Variants in DNAJB1 observed in about 807,000 individuals in gnomAD.
DNAJB1 encodes the protein dnaJ homolog subfamily B member 1.
A neutral mutation model predicts 24.0 loss-of-function variants in DNAJB1; 14 were observed. The observed-to-expected ratio is 0.58, with a 90% confidence interval of 0.39 to 0.91. The LOEUF (loss-of-function observed/expected upper bound fraction) is 0.91, where lower values mean the gene tolerates loss of function less well. Ranked by LOEUF, DNAJB1 falls within the 40% of genes least tolerant of loss-of-function variation. DNAJB1 has a pLI of 0.00. For synonymous variants in DNAJB1, 262 were observed against 174.4 expected, an observed-to-expected ratio of 1.50 and a Z score of -3.96; for missense variants, 517 against 458.1, an observed-to-expected ratio of 1.13 and a Z score of -1.17.
Position 14,515,781 on chromosome 19 carries a change from G to C in DNAJB1, c.*159C>G, listed in dbSNP as rs1280995384. On this transcript the variant is annotated 3_prime_UTR_variant, in exon 3 of 3. Coordinates refer to ENST00000254322, the MANE Select transcript of DNAJB1 (RefSeq NM_006145.3). ...GAAAAACCACTGAAGTCTAGTGTGC[G>C]ACTTTGAAAGATTGTAATATATGCT... The C allele has an allele frequency of 2.9e-6, 2 of 693,898 alleles. No individual in the cohort carries two copies. Among genetic ancestry groups the C allele is most frequent in the African/African-American group, 3.7e-5 (2 of 54,244 alleles). The allele number at this position is 693,898 out of a possible 1,614,324, so 43.0% of individuals were successfully genotyped here. A position where few individuals can be genotyped will look rare whatever the true frequency, so the allele number is the denominator to read the frequency against.
chr19:14,533,645 C>T (rs192583341), upstream of DNAJB1, among the ~76,000 whole-genome samples: 14 of 152,188 alleles, frequency 9.2e-5, no homozygotes, highest in African/African-American at 3.4e-4. Context: ...AGTTGGGATC[C>T]CAGCAGTAGT....
chr19:14,558,431 C>T (rs1228032698), intron 1 of DNAJB1, among the ~76,000 whole-genome samples: 3 of 152,222 alleles, frequency 2.0e-5, no homozygotes, highest in East Asian at 1.9e-4. Flanking sequence ...GTGCGCTTCA[C>T]GCCGCACCGT....
chr19:14,535,574 ATATATATATATATATGTATGTATATAT>A (rs2072863975), intron 1 of DNAJB1, among the ~76,000 whole-genome samples: 2 of 36,430 alleles, frequency 5.5e-5, no homozygotes, highest in East Asian at 6.7e-4. Flanking sequence ...ATATATATAT[ATATATATATATATATGTATGTATATAT>A]AAATTAGCCA....
intron 1 of DNAJB1, among the ~76,000 whole-genome samples, chr19:14,548,504 T>C (rs2073379473): frequency 6.6e-6 from 1 of 152,206 alleles, no homozygotes; most frequent in African/African-American, 2.4e-5. Context: ...AGCCAGGGGT[T>C]GGCAAACTTA....
chr19:14,516,398 G>T (rs2072262475), intron 2 of DNAJB1, 68 bp downstream of exon 2: 2 of 1,523,160 alleles, frequency 1.3e-6, no homozygotes, highest in Non-Finnish European at 1.8e-6. Context: ...CATTGGTTCA[G>T]CAAATACTAA....
chr19:14,543,415 ATATATTTTTTTTTTTTTTTTTTTTTT>A (rs2073186252), intron 1 of DNAJB1, among the ~76,000 whole-genome samples: 3 of 9,488 alleles, frequency 3.2e-4, no homozygotes, highest in Admixed American at 2.9e-3. Flanking sequence ...ATATATATAT[ATATATTTTTTTTTTTTTTTTTTTTTT>A]TTTTTTTTTT....
At chr19:14,542,347 G>GTTTTTTTGTTTTTTTTTT in intron 1 of DNAJB1, among the ~76,000 whole-genome samples, 1 of 43,300 alleles carries the variant, frequency 2.3e-5, no homozygotes, top group African/African-American at 8.1e-5. Context: ...ATGCCATAGT[G>GTTTTTTTGTTTTTTTTTT]TTTTTTTTTT....
At position 14,542,347 on chromosome 19, in the gene DNAJB1, GTTTTTTTTTTTTTTTT is replaced by G. The variant is rs71166754; in HGVS notation, c.-214+7845_-214+7860del. 5.3e-4 allele frequency among the ~76,000 whole-genome samples: 23 copies of G among 43,300 alleles called. 1 individual carries two copies. Among genetic ancestry groups the G allele is most frequent in the Non-Finnish European group, 7.9e-4 (18 of 22,812 alleles). 28.4% of individuals were successfully genotyped at this position (43,300 alleles called of 152,430 possible). A position where few individuals can be genotyped will look rare whatever the true frequency, so the allele number is the denominator to read the frequency against. ...CCTCAGGGGGCCCTCATGCCATAGT[GTTTTTTTTTTTTTTTT>G]TTTTTTTTTTTTTCTGAGATGGAGT... On this transcript the variant is annotated intron_variant, in intron 1 of 3. Coordinates refer to the DNAJB1 transcript ENST00000676982.
intron 1 of DNAJB1, among the ~76,000 whole-genome samples, chr19:14,542,016 C>G (rs1250493183): frequency 6.6e-6 from 1 of 152,192 alleles, no homozygotes; most frequent in African/African-American, 2.4e-5. Flanking sequence ...CTCCTGACCT[C>G]AAGTGATCCG....
upstream of DNAJB1, among the ~76,000 whole-genome samples, chr19:14,522,296 C>T (rs1361232502): frequency 6.6e-6 from 1 of 151,808 alleles, no homozygotes; most frequent in Non-Finnish European, 1.5e-5. Flanking sequence ...TGTAAGCGGG[C>T]CTCATCCAAT....
chr19:14,560,342 G>T (rs1247874283), upstream of DNAJB1, among the ~76,000 whole-genome samples: 1 of 152,160 alleles, frequency 6.6e-6, no homozygotes, highest in African/African-American at 2.4e-5. Flanking sequence ...CCCTGTGGAC[G>T]CTAGGCTGCC....
At chr19:14,518,531 GA>G (rs1568382025), upstream of DNAJB1, 8 of 436,952 alleles carry the variant, frequency 1.8e-5, no homozygotes, top group Middle Eastern at 6.1e-4. Context: ...AGCGACACGC[GA>G]CATCCGGGGC....
At chr19:14,558,374 C>G (rs1054764448) in intron 1 of DNAJB1, among the ~76,000 whole-genome samples, 2 of 152,204 alleles carry the variant, frequency 1.3e-5, no homozygotes, top group African/African-American at 4.8e-5. Flanking sequence ...CGGCACTCCC[C>G]TCTGGGCTTG....
intron 1 of DNAJB1, 97 bp downstream of exon 1, chr19:14,518,042 G>C: frequency 7.8e-7 from 1 of 1,287,404 alleles, no homozygotes. Flanking sequence ...CCACGGCCCG[G>C]GGCGTCCTTC....
At chr19:14,552,172 CTTTTTTT>C (rs536176918), upstream of DNAJB1, among the ~76,000 whole-genome samples, 6 of 133,484 alleles carry the variant, frequency 4.5e-5, no homozygotes, top group East Asian at 2.2e-4. Flanking sequence ...TTTCTTTTTT[CTTTTTTT>C]TTTTTTTTGA....
intron 1 of DNAJB1, chr19:14,536,655 C>CT (rs2072909247): frequency 6.6e-6 from 1 of 152,136 alleles, no homozygotes; most frequent in African/African-American, 2.4e-5. Flanking sequence ...CTTCCCAACT[C>CT]TGTGTTCAGG....
chr19:14,552,281 A>G (rs2073554772), upstream of DNAJB1, among the ~76,000 whole-genome samples: 1 of 145,582 alleles, frequency 6.9e-6, no homozygotes, highest in Non-Finnish European at 1.5e-5. Flanking sequence ...CAATCCTCCC[A>G]GTCTGGCCTC....
Position 14,516,615 on chromosome 19 carries a change from C to T in DNAJB1, c.643G>A (p.Gly215Arg). 6.2e-7 allele frequency: 1 copy of T among 1,614,180 alleles called. No individual in the cohort carries two copies. The highest frequency in any genetic ancestry group is 8.5e-7 in the Non-Finnish European group (1 of 1,180,044). ...TIEVKKGWKE[G>R]TKITFPKEGD... ...TCCTTGGGGAAAGTGATTTTGGTTC[C>T]TTCTTTCCACCCCTTCTTCACTTCG... is the stretch of plus-strand genomic sequence containing the variant. The change falls in exon 2 of 3, where the codon GGA becomes AGA. Residue 215 changes from glycine (G) to arginine (R), a missense_variant. Transcript: ENST00000254322.
intron 1 of DNAJB1, chr19:14,545,774 A>T (rs2073286679): frequency 6.5e-6 from 1 of 153,656 alleles, no homozygotes; most frequent in Non-Finnish European, 1.4e-5. Flanking sequence ...CCGTGTGACA[A>T]GTACATCCCT....
Sources: gnomAD v4.1 joint callset for allele counts (sites outside exome capture counted in the v4.1 genomes callset) on GRCh38, gnomAD v4.1.1 for gene constraint, MANE v1.5 for transcripts, NCBI Gene and HGNC (gene_info 2026-07-23, HGNC 2026-07-21) for gene names.